Variants in HLCS observed in about 807,000 individuals in gnomAD.
HLCS encodes holocarboxylase synthetase.
HLCS carries 53 observed loss-of-function variants against 75.0 expected under a neutral mutation model. The ratio of observed to expected loss-of-function variants is 0.71; its 90% CI spans 0.57 to 0.89. HLCS has a LOEUF of 0.89. Ranked by LOEUF, HLCS falls within the 40% of genes least tolerant of loss-of-function variation. The probability of loss-of-function intolerance (pLI) is 0.00; values close to 1 mark genes in which losing one functional copy is unlikely to be tolerated. For synonymous variants in HLCS, 431 were observed against 428.6 expected (o/e 1.01, Z -0.07); for missense variants, 966 against 1,074.0 (o/e 0.90, Z 1.41).
chr21:36,824,282 C>T (rs1174764286), intron 6 of HLCS, among the ~76,000 whole-genome samples: 1 of 152,126 alleles, frequency 6.6e-6, no homozygotes, highest in African/African-American at 2.4e-5. Flanking sequence ...GAGTTCATGT[C>T]CTTTGCAGGC....
At position 36,954,478 on chromosome 21, in the gene HLCS, T is replaced by C. The variant is rs184969764; in HGVS notation, c.330+7558A>G. ...AAAAATACAAAAAATTAACCAGGCG[T>C]GGTGGCGGGCGCCTGTAGTCCCAGC... On this transcript the variant is annotated intron_variant, in intron 2 of 10. Transcript: ENST00000674895. 4.3e-3 allele frequency among the ~76,000 whole-genome samples: 652 copies of C among 151,302 alleles called. 8 individuals are homozygous for C. Among genetic ancestry groups the C allele is most frequent in the African/African-American group, 0.015 (631 of 41,162 alleles).
At chr21:36,876,442 G>A (rs2063981520) in intron 6 of HLCS, among the ~76,000 whole-genome samples, 1 of 152,114 alleles carries the variant, frequency 6.6e-6, no homozygotes, top group South Asian at 2.1e-4. Flanking sequence ...CATGATCATG[G>A]TTTCTCTACG....
intron 6 of HLCS, among the ~76,000 whole-genome samples, chr21:36,820,204 G>A (rs1569056207): frequency 1.4e-5 from 2 of 143,330 alleles, no homozygotes; most frequent in African/African-American, 5.2e-5. Context: ...TAGGGGGCAG[G>A]TAGTGATAGT....
intron 6 of HLCS, among the ~76,000 whole-genome samples, chr21:36,819,007 C>T (rs972561828): frequency 2.6e-5 from 4 of 152,180 alleles, no homozygotes; most frequent in Non-Finnish European, 4.4e-5. Context: ...TATAAAGCAA[C>T]GTCGATGCTA....
intron 6 of HLCS, among the ~76,000 whole-genome samples, chr21:36,840,744 C>G (rs1700956935): frequency 6.6e-6 from 1 of 152,052 alleles, no homozygotes; most frequent in Admixed American, 6.6e-5. Flanking sequence ...TCCCGAATAG[C>G]TGGGATTACA....
chr21:36,920,888 C>T (rs1353353642), intron 5 of HLCS, among the ~76,000 whole-genome samples: 1 of 152,128 alleles, frequency 6.6e-6, no homozygotes, highest in Non-Finnish European at 1.5e-5. Context: ...TCTAGACAAT[C>T]CTAGGCAGAG....
intron 5 of HLCS, 54 bp downstream of exon 5, chr21:36,930,197 C>T (rs1222511512): frequency 9.4e-6 from 14 of 1,489,398 alleles, no homozygotes; most frequent in Middle Eastern, 3.4e-4. Flanking sequence ...CGGGTCGCCA[C>T]TGTGAAGAGG....
At chr21:36,767,052 C>T (rs1397277190) in intron 7 of HLCS, among the ~76,000 whole-genome samples, 166 bp downstream of exon 7, 1 of 152,184 alleles carries the variant, frequency 6.6e-6, no homozygotes, top group Non-Finnish European at 1.5e-5. Flanking sequence ...CTTCTGATCA[C>T]TGCTTCCCTC....
At chr21:36,910,830 C>G (rs377330359) in intron 5 of HLCS, among the ~76,000 whole-genome samples, 1 of 152,148 alleles carries the variant, frequency 6.6e-6, no homozygotes, top group South Asian at 2.1e-4. Context: ...CCACGCTGCA[C>G]GGCACTGCAC....
intron 6 of HLCS, among the ~76,000 whole-genome samples, chr21:36,846,025 C>T (rs141968450): frequency 6.6e-6 from 1 of 152,132 alleles, no homozygotes; most frequent in Non-Finnish European, 1.5e-5. Flanking sequence ...GGGAATATTG[C>T]CATTTCTAGA....
At chr21:36,763,383 C>A (rs561002635) in intron 8 of HLCS, among the ~76,000 whole-genome samples, 1 of 152,288 alleles carries the variant, frequency 6.6e-6, no homozygotes, top group African/African-American at 2.4e-5. Flanking sequence ...GCACCTGAAG[C>A]CCTGTAATGG....
At chr21:36,815,038 T>TA (rs60337639) in intron 6 of HLCS, among the ~76,000 whole-genome samples, 4,191 of 150,204 alleles carry the variant, frequency 0.028, 70 homozygotes, top group South Asian at 0.046. Flanking sequence ...TTTTTTTTTT[T>TA]TTTTTTTTGA....
chr21:36,988,244 TC>T (rs749411785), intron 1 of HLCS, among the ~76,000 whole-genome samples: 2 of 152,180 alleles, frequency 1.3e-5, no homozygotes, highest in Non-Finnish European at 2.9e-5. Context: ...GTTTCTTTTT[TC>T]CCTTTTCTCT....
intron 6 of HLCS, among the ~76,000 whole-genome samples, chr21:36,859,543 G>A (rs763523798): frequency 8.5e-5 from 13 of 152,202 alleles, no homozygotes; most frequent in Admixed American, 1.3e-4. Context: ...GTTCTTTTGC[G>A]TAAGTGGACT....
intron 2 of HLCS, among the ~76,000 whole-genome samples, chr21:36,961,672 G>A (rs2068296811): frequency 6.6e-6 from 1 of 152,154 alleles, no homozygotes; most frequent in South Asian, 2.1e-4. Flanking sequence ...ACAAATTTGA[G>A]GCCGGGCGTG....
chr21:36,759,463 A>G (rs2089738456), intron 9 of HLCS, among the ~76,000 whole-genome samples: 1 of 152,238 alleles, frequency 6.6e-6, no homozygotes, highest in Admixed American at 6.5e-5. Flanking sequence ...TTCAATGAGT[A>G]GCAGGAGTGT....
intron 1 of HLCS, among the ~76,000 whole-genome samples, chr21:36,973,114 C>T (rs563770874): frequency 6.6e-6 from 1 of 151,514 alleles, no homozygotes; most frequent in Admixed American, 6.6e-5. Context: ...CCTGTGGTGA[C>T]AGCTTCTCGG....
chr21:36,974,511 A>C (rs1253880422), intron 1 of HLCS: 2 of 152,228 alleles, frequency 1.3e-5, no homozygotes, highest in Non-Finnish European at 2.9e-5. Flanking sequence ...CTAATGTTGA[A>C]GTTCTAACCC....
intron 6 of HLCS, among the ~76,000 whole-genome samples, chr21:36,839,983 T>C (rs2062561295): frequency 6.6e-6 from 1 of 152,260 alleles, no homozygotes. Context: ...GGAAGTGCTT[T>C]CCAAGGAGCA....
Sources: gnomAD v4.1 joint callset for allele counts (sites outside exome capture counted in the v4.1 genomes callset) on GRCh38, gnomAD v4.1.1 for gene constraint, MANE v1.5 for transcripts, NCBI Gene and HGNC (gene_info 2026-07-23, HGNC 2026-07-21) for gene names.